Variants in OR2C1 observed in about 807,000 individuals in gnomAD.
OR2C1 encodes the protein olfactory receptor 2C1.
For synonymous variants in OR2C1, 209 were observed against 167.3 expected (o/e 1.25, Z -1.92); for missense variants, 468 against 388.3 (o/e 1.21, Z -1.73).
chr16:3,325,955 A>G, the OR2C1 span, among the ~76,000 whole-genome samples: 119,951 of 144,306 alleles, frequency 0.83, 49,962 homozygotes, highest in South Asian at 0.96. Context: ...TTTTTAGGCA[A>G]AGTCTCACTC....
chr16:3,358,077 C>T (rs1238035661), downstream of OR2C1, among the ~76,000 whole-genome samples: 1 of 151,816 alleles, frequency 6.6e-6, no homozygotes. Flanking sequence ...CTCCCTTATG[C>T]CTATATTCCA....
At chr16:3,345,790 TTCTC>T in the OR2C1 span, among the ~76,000 whole-genome samples, 36 of 150,182 alleles carry the variant, frequency 2.4e-4, no homozygotes, top group African/African-American at 7.6e-4. Context: ...TCTTTTTTCT[TTCTC>T]TCTTTCTCTT....
the OR2C1 span, chr16:3,323,714 C>A: frequency 2.9e-6 from 2 of 687,332 alleles, no homozygotes; most frequent in South Asian, 1.6e-5. Context: ...CATTTCTAGT[C>A]ATCTGAGACA....
chr16:3,329,503 G>T, the OR2C1 span, among the ~76,000 whole-genome samples: 2 of 152,012 alleles, frequency 1.3e-5, no homozygotes, highest in Non-Finnish European at 2.9e-5. Context: ...AGGCTGGAGT[G>T]CAGTGGCGCG....
Position 3,356,339 on chromosome 16 carries a change from C to T in OR2C1, c.399C>T (p.Thr133=), listed in dbSNP as rs371716144. Residue 133 remains threonine (T), a synonymous_variant, in exon 1 of 1, where the codon ACC becomes ACT. Coordinates refer to ENST00000304936, the MANE Select transcript of OR2C1 (RefSeq NM_012368.3). ...YVAVCRPLRY[T]AIMNPQLCWL... ...CAGTGTGCCGGCCCCTCCGCTACACCGCCATCATGAACCCCCAGCTCTGCT... is the reference window on the plus strand; with the variant it reads ...CAGTGTGCCGGCCCCTCCGCTACACTGCCATCATGAACCCCCAGCTCTGCT... 12 of 1,613,226 alleles carry T rather than the reference C, an allele frequency of 7.4e-6. No individual in the cohort carries two copies. The highest frequency in any genetic ancestry group is 3.3e-5 in the South Asian group (3 of 91,066).
chr16:3,332,720 C>CATATATGTAT, the OR2C1 span, among the ~76,000 whole-genome samples: 1 of 148,650 alleles, frequency 6.7e-6, no homozygotes, highest in Admixed American at 6.7e-5. Context: ...TATTCTATTG[C>CATATATGTAT]ATATATATAT....
At chr16:3,357,962 C>G (rs868138280), downstream of OR2C1, among the ~76,000 whole-genome samples, 5 of 151,842 alleles carry the variant, frequency 3.3e-5, no homozygotes, top group Admixed American at 6.6e-5. Context: ...GCCTGGGTAA[C>G]GAGCAAAACT....
At chr16:3,358,046 C>T (rs1272723424), downstream of OR2C1, among the ~76,000 whole-genome samples, 4 of 151,988 alleles carry the variant, frequency 2.6e-5, no homozygotes, top group African/African-American at 7.2e-5. Flanking sequence ...CCATATATCT[C>T]TCCATCATCT....
At chr16:3,333,768 C>G in the OR2C1 span, among the ~76,000 whole-genome samples, 1 of 152,132 alleles carries the variant, frequency 6.6e-6, no homozygotes, top group Admixed American at 6.5e-5. Flanking sequence ...AATATCTTTG[C>G]CTAGATCAAT....
rs575723206 is a variant in OR2C1, at chr16:3,356,878, G to T, written c.938G>T (p.Ter313LeuextTer30). ...RLLGKGREVG[*>L] ...CTGGGGAAAGGAAGAGAAGTTGGCT[G>T]AGAGAACACTCCTTCGTTATTTATT... Residue 313 changes from the stop codon to leucine, a stop_lost, in exon 1 of 1, where the codon TGA becomes TTA. Coordinates refer to ENST00000304936, the MANE Select transcript of OR2C1 (RefSeq NM_012368.3). 1.3e-6 allele frequency: 2 copies of T among 1,576,214 alleles called. No individual in the cohort carries two copies. Among genetic ancestry groups the T allele is most frequent in the Non-Finnish European group, 1.7e-6 (2 of 1,159,946 alleles).
At chr16:3,333,210 CATTTTTTTTTTT>C in the OR2C1 span, among the ~76,000 whole-genome samples, 24 of 33,032 alleles carry the variant, frequency 7.3e-4, no homozygotes, top group South Asian at 3.8e-3. Context: ...ATCTTTTGCC[CATTTTTTTTTTT>C]TTTTTTTTTT....
chr16:3,351,452 G>T (rs919145263), upstream of OR2C1, among the ~76,000 whole-genome samples: 2 of 152,072 alleles, frequency 1.3e-5, no homozygotes, highest in East Asian at 1.9e-4. Flanking sequence ...TTAATTGGAA[G>T]AAAATTTGTT....
At chr16:3,335,875 C>T in the OR2C1 span, among the ~76,000 whole-genome samples, 4 of 152,212 alleles carry the variant, frequency 2.6e-5, no homozygotes, top group African/African-American at 7.2e-5. Flanking sequence ...AGACTAACTT[C>T]GCTTCTTCCT....
upstream of OR2C1, among the ~76,000 whole-genome samples, chr16:3,352,394 C>T (rs546329771): frequency 5.3e-5 from 8 of 152,180 alleles, no homozygotes; most frequent in South Asian, 2.1e-4. Context: ...GGATTACAGG[C>T]GCGAGCCACC....
At chr16:3,326,387 C>T in the OR2C1 span, among the ~76,000 whole-genome samples, 2 of 152,198 alleles carry the variant, frequency 1.3e-5, no homozygotes, top group Non-Finnish European at 1.5e-5. Flanking sequence ...CAGACACTGC[C>T]TTAAGGAAAT....
downstream of OR2C1, among the ~76,000 whole-genome samples, chr16:3,357,923 G>A (rs2030710393): frequency 6.6e-6 from 1 of 152,072 alleles, no homozygotes. Flanking sequence ...AGAGGTTGTG[G>A]TGAGCTGAGA....
chr16:3,351,244 T>C (rs1337664576), upstream of OR2C1, among the ~76,000 whole-genome samples: 3 of 101,356 alleles, frequency 3.0e-5, no homozygotes, highest in Middle Eastern at 5.7e-3. Context: ...TTTTTTTTTT[T>C]TGAGACAGAG....
At chr16:3,328,734 A>C in the OR2C1 span, among the ~76,000 whole-genome samples, 1 of 152,198 alleles carries the variant, frequency 6.6e-6, no homozygotes, top group Non-Finnish European at 1.5e-5. Flanking sequence ...TACCACGTTA[A>C]CTGAAGGCAG....
At chr16:3,339,289 T>C in the OR2C1 span, among the ~76,000 whole-genome samples, 1 of 151,618 alleles carries the variant, frequency 6.6e-6, no homozygotes, top group African/African-American at 2.4e-5. Flanking sequence ...TTTTTTTTTT[T>C]CATCTTTTGG....
Sources: gnomAD v4.1 joint callset for allele counts (sites outside exome capture counted in the v4.1 genomes callset) on GRCh38, gnomAD v4.1.1 for gene constraint, MANE v1.5 for transcripts, NCBI Gene and HGNC (gene_info 2026-07-23, HGNC 2026-07-21) for gene names.